The following TRIP13 variants were observed in gnomAD, a reference collection of about 807,000 sequenced individuals.
TRIP13 encodes the protein pachytene checkpoint protein 2 homolog.
A neutral mutation model predicts 54.4 loss-of-function variants in TRIP13; 25 were observed. That is an observed-to-expected ratio of 0.46 (90% CI 0.33 to 0.64). The LOEUF (loss-of-function observed/expected upper bound fraction) is 0.64. TRIP13 is among the 30% of genes least tolerant of loss of function. The pLI is 0.02. For synonymous variants in TRIP13, 207 were observed against 207.8 expected, an observed-to-expected ratio of 1.00 and a Z score of 0.03; for missense variants, 373 against 534.2, an observed-to-expected ratio of 0.70 and a Z score of 2.97.
intron 2 of TRIP13, among the ~76,000 whole-genome samples, 171 bp downstream of exon 2, chr5:895,123 T>G (rs1340463416): frequency 6.6e-6 from 1 of 152,000 alleles, no homozygotes; most frequent in East Asian, 1.9e-4. Context: ...GTGCTGGGAG[T>G]AGGAAGTAGC....
Position 911,873 on chromosome 5 carries a change from T to C in TRIP13, c.897T>C (p.Ser299=). The C allele has an allele frequency of 9.3e-6, 15 of 1,613,496 alleles. No homozygotes were observed. Among genetic ancestry groups the C allele is most frequent in the Non-Finnish European group, 1.3e-5 (15 of 1,179,806 alleles). ...RHSNVVILTT[S]NITEKIDVAF... ...CCAATGTTGTGATTCTGACCACTTC[T>C]AACATCACCGAGAAGATCGACGTGG... Residue 299 remains serine (S), a synonymous_variant, in exon 10 of 13, where the codon TCT becomes TCC. Transcript: ENST00000166345. This position sits in a 1 kb window ranked among gnomAD's most constrained non-coding sequence, Gnocchi z 4.7.
intron 6 of TRIP13, 57 bp downstream of exon 6, chr5:904,277 G>GT (rs1754058941): frequency 5.8e-5 from 81 of 1,407,674 alleles, no homozygotes; most frequent in South Asian, 4.5e-4. Flanking sequence ...ATAACGGGAG[G>GT]TTGTTTTTTT....
Position 907,931 on chromosome 5 carries a change from G to C in TRIP13, c.673-57G>C, listed in dbSNP as rs372528132. On this transcript the variant is annotated intron_variant, in intron 7 of 12. Coordinates refer to ENST00000166345, the MANE Select transcript of TRIP13 (RefSeq NM_004237.4). This position sits in a 1 kb window ranked among gnomAD's most constrained non-coding sequence, Gnocchi z 4.1. ...CAGCAGGCCACATCAGGGTCCCCCT[G>C]TGCACCTGGCAGTGTGGTCCCTGCA... 5 of 1,577,788 alleles carry C rather than the reference G, an allele frequency of 3.2e-6. No homozygotes were observed. In the African/African-American group the frequency reaches 6.7e-5, roughly 21 times the overall value.
intron 9 of TRIP13, among the ~76,000 whole-genome samples, chr5:909,626 G>A (rs928064950): frequency 2.0e-5 from 3 of 152,220 alleles, no homozygotes; most frequent in African/African-American, 7.2e-5. Flanking sequence ...GGTGTGAAGT[G>A]GGAAGTAGGG....
chr5:894,032 C>T (rs934647338), intron 1 of TRIP13, among the ~76,000 whole-genome samples: 10 of 152,162 alleles, frequency 6.6e-5, no homozygotes, highest in African/African-American at 1.9e-4. Context: ...CACCTACGTA[C>T]AACTGCACCA....
Position 908,559 on chromosome 5 carries a change from C to A in TRIP13, c.866+98C>A. 2 of 1,551,790 alleles carry A rather than the reference C, an allele frequency of 1.3e-6. No homozygotes were observed. The highest frequency in any genetic ancestry group is 1.7e-6 in the Non-Finnish European group (2 of 1,147,138). On this transcript the variant is annotated intron_variant, in intron 9 of 12. Coordinates refer to ENST00000166345, the MANE Select transcript of TRIP13 (RefSeq NM_004237.4). The surrounding 1 kb of genome is among the most constrained non-coding windows in gnomAD (Gnocchi z 5.2). ...TGCAACCCTAGATCTTAGTGCCCAG[C>A]TCTTTCACCGGAAAGTGCATTTGGC...
chr5:908,176 G>A lies in TRIP13; in HGVS notation c.759+102G>A. 1 of 1,466,790 alleles carries A rather than the reference G, an allele frequency of 6.8e-7. No homozygotes were observed. The highest frequency in any genetic ancestry group is 9.5e-7 in the Non-Finnish European group (1 of 1,051,084). 90.9% of individuals were successfully genotyped at this position (1,466,790 alleles called of 1,614,324 possible). On this transcript the variant is annotated intron_variant, in intron 8 of 12. Coordinates refer to ENST00000166345, the MANE Select transcript of TRIP13 (RefSeq NM_004237.4). The surrounding 1 kb of genome is among the most constrained non-coding windows in gnomAD (Gnocchi z 5.2). Reference sequence around the variant, plus strand: ...TCCTAGCTTTCCCCTCCTACAGCCGGGCTGCCCTCTATCCCTCCCTGCACT... The same window carrying A: ...TCCTAGCTTTCCCCTCCTACAGCCGAGCTGCCCTCTATCCCTCCCTGCACT...
At chr5:906,629 G>T (rs947144662) in intron 6 of TRIP13, among the ~76,000 whole-genome samples, 1 of 152,130 alleles carries the variant, frequency 6.6e-6, no homozygotes, top group Non-Finnish European at 1.5e-5. Context: ...AGCTAAGCAC[G>T]CCCAGATCTG....
At position 907,405 on chromosome 5, in the gene TRIP13, A is replaced by G. The variant is rs574749668; in HGVS notation, c.672+212A>G. Among the ~76,000 whole-genome samples, 4 of 152,352 alleles carry G rather than the reference A, an allele frequency of 2.6e-5. No homozygotes were observed. In the South Asian group the frequency reaches 8.3e-4, roughly 32 times the overall value. Reference sequence around the variant, plus strand: ...CCCCAGACCTGTGACTGGGTGGGACAGGACAATCGATGGACTCTCAGAAGG... The same window carrying G: ...CCCCAGACCTGTGACTGGGTGGGACGGGACAATCGATGGACTCTCAGAAGG... On this transcript the variant is annotated intron_variant, in intron 7 of 12. Transcript: ENST00000166345. This position sits in a 1 kb window ranked among gnomAD's most constrained non-coding sequence, Gnocchi z 4.1.
intron 9 of TRIP13, among the ~76,000 whole-genome samples, chr5:910,712 A>T (rs972429429): frequency 3.3e-5 from 5 of 151,820 alleles, no homozygotes; most frequent in Admixed American, 1.3e-4. Context: ...TCTGTCCCCC[A>T]CCAGTCCTGT....
At position 908,032 on chromosome 5, in the gene TRIP13, G is replaced by T. The variant is rs773370271; in HGVS notation, c.717G>T (p.Leu239Phe). 6.2e-7 allele frequency: 1 copy of T among 1,614,224 alleles called. No homozygotes were observed. The highest frequency in any genetic ancestry group is 2.2e-5 in the East Asian group (1 of 44,886). ...AGATGTTTCAGAAGATTCAGGATTT[G>T]ATTGATGATAAAGACGCCCTGGTGT... ...VTKMFQKIQDLIDDKDALVFV... is the reference protein window; with the variant it reads ...VTKMFQKIQDFIDDKDALVFV... The change falls in exon 8 of 13, where the codon TTG (leucine) becomes TTT (phenylalanine). Residue 239 changes from leucine to phenylalanine, a missense_variant. Leu to Phe is a conservative substitution (Grantham distance 22). Coordinates refer to ENST00000166345, the MANE Select transcript of TRIP13 (RefSeq NM_004237.4). This position sits in a 1 kb window ranked among gnomAD's most constrained non-coding sequence, Gnocchi z 5.2.
Position 892,901 on chromosome 5 carries a change from G to A in TRIP13, c.-98G>A. On this transcript the variant is annotated 5_prime_UTR_variant, in exon 1 of 13. Transcript: ENST00000166345. ...CGCGCGGCAGATTCGAAGCTAGGGC[G>A]GGGCCCGCGGGCTGAGGCAGCGGCT... 1 of 1,233,008 alleles carries A rather than the reference G, an allele frequency of 8.1e-7. No homozygotes were observed. The highest frequency in any genetic ancestry group is 1.6e-5 in the African/African-American group (1 of 62,112). 76.4% of individuals were successfully genotyped at this position (1,233,008 alleles called of 1,614,324 possible).
intron 6 of TRIP13, among the ~76,000 whole-genome samples, chr5:905,094 G>A (rs561088984): frequency 5.3e-5 from 8 of 152,280 alleles, no homozygotes; most frequent in East Asian, 3.9e-4. Context: ...ATTTTGTTCC[G>A]TTAGGCATTT....
Position 917,160 on chromosome 5 carries a change from G to A in TRIP13, c.*57G>A, listed in dbSNP as rs1754358970. On this transcript the variant is annotated 3_prime_UTR_variant, in exon 13 of 13. Coordinates refer to ENST00000166345, the MANE Select transcript of TRIP13 (RefSeq NM_004237.4). ...TGGAGAACACACAACCAGTAAGTGAGGTTGCCCCACACAGCCGTCTCCCAG... is the reference window on the plus strand; with the variant it reads ...TGGAGAACACACAACCAGTAAGTGAAGTTGCCCCACACAGCCGTCTCCCAG... 6 of 1,571,302 alleles carry A rather than the reference G, an allele frequency of 3.8e-6. No homozygotes were observed. Among genetic ancestry groups the A allele is most frequent in the Non-Finnish European group, 4.4e-6 (5 of 1,146,530 alleles).
Position 915,793 on chromosome 5 carries a change from T to A in TRIP13, c.1134-111T>A. 9.0e-7 allele frequency: 1 copy of A among 1,112,450 alleles called. No homozygotes were observed. The highest frequency in any genetic ancestry group is 1.3e-5 in the South Asian group (1 of 76,656). 68.9% of individuals were successfully genotyped at this position (1,112,450 alleles called of 1,614,324 possible). Reference sequence around the variant, plus strand: ...GTGCCCTGTGAACCCAGGGTGTGCTTGGGACGCCTCGGCTTGTGTTCCCAG... The same window carrying A: ...GTGCCCTGTGAACCCAGGGTGTGCTAGGGACGCCTCGGCTTGTGTTCCCAG... On this transcript the variant is annotated intron_variant, in intron 11 of 12. Coordinates refer to ENST00000166345, the MANE Select transcript of TRIP13 (RefSeq NM_004237.4). The surrounding 1 kb of genome is among the most constrained non-coding windows in gnomAD (Gnocchi z 4.2).
chr5:914,443 G>A (rs779836362), intron 10 of TRIP13, 22 bp from the exon 11 acceptor site: 9 of 1,589,224 alleles, frequency 5.7e-6, no homozygotes, highest in South Asian at 2.2e-5. Flanking sequence ...TCAGCTAACC[G>A]CCTGTACTTC....
chr5:900,584 T>C lies in TRIP13; in HGVS notation c.444+35T>C, dbSNP rs376726910. On this transcript the variant is annotated intron_variant, in intron 4 of 12. Transcript: ENST00000166345. The stretch of plus-strand genomic sequence containing the variant: ...TGTGCCTTTTCCCAGAATGCCCTGT[T>C]ATTTGAAGAGGAACCATTACTGTTT... 2.5e-6 allele frequency: 4 copies of C among 1,605,734 alleles called. No individual in the cohort carries two copies. In the South Asian group the frequency reaches 4.5e-5, roughly 18 times the overall value.
In TRIP13 at chr5:906,568, G is replaced by T. The variant is rs575617069; in HGVS notation, c.609-562G>T. ...TGGAAGCAACTGAAAAGAGGACCTG[G>T]AAGTCAGTTTCTCTCTGGCCTCAGT... On this transcript the variant is annotated intron_variant, in intron 6 of 12. Coordinates refer to ENST00000166345, the MANE Select transcript of TRIP13 (RefSeq NM_004237.4). Among the ~76,000 whole-genome samples the T allele has an allele frequency of 2.6e-5, 4 of 152,190 alleles. No individual in the cohort carries two copies. The East Asian group carries it at 7.7e-4, about 29-fold the overall frequency.
chr5:907,141 G>A lies in TRIP13; in HGVS notation c.620G>A (p.Gly207Asp). 2 of 1,614,068 alleles carry A rather than the reference G, an allele frequency of 1.2e-6. No homozygotes were observed. Among genetic ancestry groups the A allele is most frequent in the Non-Finnish European group, 1.7e-6 (2 of 1,179,956 alleles). The stretch of plus-strand genomic sequence containing the variant: ...TTTTTCTATCTCAGGTACCGATATG[G>A]CCAATTAATTGAAATAAACAGCCAC... ...TIRLSSRYRYGQLIEINSHSL... is the reference protein window; with the variant it reads ...TIRLSSRYRYDQLIEINSHSL... The change falls in exon 7 of 13, where the codon GGC becomes GAC. Residue 207 changes from glycine (G) to aspartate (D), a missense_variant. This residue lies in a region of TRIP13 where 119 missense variants were observed against 223.0 expected (regional missense o/e 0.53). Coordinates refer to ENST00000166345, the MANE Select transcript of TRIP13 (RefSeq NM_004237.4). The surrounding 1 kb of genome is among the most constrained non-coding windows in gnomAD (Gnocchi z 4.1).
Sources: gnomAD v4.1 joint callset for allele counts (sites outside exome capture counted in the v4.1 genomes callset) on GRCh38, gnomAD v4.1.1 for gene constraint, gnomAD v4.1.1 regional missense constraint, Gnocchi (gnomAD v3.1) non-coding constraint, MANE v1.5 for transcripts, NCBI Gene and HGNC (gene_info 2026-07-23, HGNC 2026-07-21) for gene names.